The following GLDC variants were observed in gnomAD, a reference collection of about 807,000 sequenced individuals.
GLDC encodes the protein glycine decarboxylase.
A neutral mutation model predicts 121.3 loss-of-function variants in GLDC; 104 were observed. The ratio of observed to expected loss-of-function variants is 0.86; its 90% CI spans 0.73 to 1.01. GLDC has a LOEUF of 1.01. Ranked by LOEUF, GLDC falls within the 50% of genes least tolerant of loss-of-function variation. The pLI, the probability that GLDC is intolerant of heterozygous loss-of-function variation, is 0.00. For missense variants in GLDC, 1,429 were observed against 1,306.6 expected (o/e 1.09, Z -1.44); for synonymous variants, 546 against 480.6 (o/e 1.14, Z -1.78).
chr9:6,556,218 C>A lies in GLDC; in HGVS notation c.2137G>T (p.Val713Leu). 2 of 1,612,362 alleles carry A rather than the reference C, an allele frequency of 1.2e-6. No homozygotes were observed. The highest frequency in any genetic ancestry group is 1.1e-5 in the South Asian group (1 of 91,052). Residue 713 changes from valine to leucine, a missense_variant, in exon 18 of 25, where the codon GTG (valine) becomes TTG (leucine). Val to Leu is a conservative substitution (Grantham distance 32). Transcript: ENST00000321612. The part of the protein sequence containing the change: ...NGVFEENISD[V>L]CDLIHQHGGQ... ...CCATGTTGATGGATGAGGTCACACACGTCACTGATGTTCTCTTCAAACACC... is the reference window on the plus strand; with the variant it reads ...CCATGTTGATGGATGAGGTCACACAAGTCACTGATGTTCTCTTCAAACACC...
At chr9:6,571,100 T>A (rs1817957219) in intron 15 of GLDC, among the ~76,000 whole-genome samples, 1 of 152,038 alleles carries the variant, frequency 6.6e-6, no homozygotes, top group Non-Finnish European at 1.5e-5. Flanking sequence ...ATAATGATTT[T>A]CTTATAGACA....
intron 3 of GLDC, among the ~76,000 whole-genome samples, chr9:6,614,227 G>T (rs1818923590): frequency 1.3e-5 from 2 of 151,540 alleles, no homozygotes; most frequent in Admixed American, 6.6e-5. Context: ...AAGAAGCACT[G>T]GCTTTTGGTT....
intron 3 of GLDC, among the ~76,000 whole-genome samples, chr9:6,612,063 C>T (rs972624283): frequency 6.6e-6 from 1 of 152,000 alleles, no homozygotes; most frequent in African/African-American, 2.4e-5. Context: ...TTTGCCTACA[C>T]CATGTATTGT....
At position 6,573,735 on chromosome 9, in the gene GLDC, C is replaced by T. The variant is rs138569171; in HGVS notation, c.1851-8306G>A. Among the ~76,000 whole-genome samples, 738 of 152,182 alleles carry T rather than the reference C, an allele frequency of 4.8e-3. 9 individuals are homozygous for T. The highest frequency in any genetic ancestry group is 0.017 in the African/African-American group (700 of 41,510). On this transcript the variant is annotated intron_variant, in intron 15 of 24. Transcript: ENST00000321612. ...TGAAACATCAGCTAAGAAACCGATA[C>T]GGTAAAAATGATGGCAGTAAAGTGA... is the stretch of plus-strand genomic sequence containing the variant.
rs192045547 is a variant in GLDC at position 6,556,174 on chromosome 9, G to A, written c.2181C>T (p.Asp727=). Residue 727 remains aspartate (D), a synonymous_variant, in exon 18 of 25, where the codon GAC becomes GAT. Transcript: ENST00000321612. ...IHQHGGQVYL[D]GANMNAQVGI... ...CCACCTGAGCATTCATATTTGCCCC[G>A]TCTAGGTAGACCTGTCCTCCATGTT... 53 of 1,612,826 alleles carry A rather than the reference G, an allele frequency of 3.3e-5. No individual in the cohort carries two copies. In the African/African-American group the frequency reaches 3.9e-4, roughly 12 times the overall value.
intron 2 of GLDC, among the ~76,000 whole-genome samples, chr9:6,632,140 A>C (rs1819396303): frequency 6.6e-6 from 1 of 152,218 alleles, no homozygotes; most frequent in Non-Finnish European, 1.5e-5. Context: ...CTTATAGTAA[A>C]TGCTCAGAAA....
At chr9:6,544,356 C>T (rs552606550) in intron 21 of GLDC, among the ~76,000 whole-genome samples, 7 of 151,934 alleles carry the variant, frequency 4.6e-5, no homozygotes, top group East Asian at 3.9e-4. Context: ...TGGAAACCTC[C>T]GCAGGGACAG....
intron 16 of GLDC, among the ~76,000 whole-genome samples, chr9:6,560,153 G>C (rs908594411): frequency 6.6e-6 from 1 of 152,190 alleles, no homozygotes; most frequent in African/African-American, 2.4e-5. Flanking sequence ...GGGAAAGTAA[G>C]TCAGAAGGTT....
Position 6,645,435 on chromosome 9 carries a change from AGGC to A in GLDC, c.62_64del (p.Arg21del). On this transcript the variant is annotated inframe_deletion, in exon 1 of 25. Transcript: ENST00000321612. ...CCAGCACGGCCCCGATCCCCCAGCCAGGCGGCGGCCGCCCCCGACCCCGCGGCC... is the reference window on the plus strand; with the variant it reads ...CCAGCACGGCCCCGATCCCCCAGCCAGGCGGCCGCCCCCGACCCCGCGGCC... 1 of 1,280,426 alleles carries A rather than the reference AGGC, an allele frequency of 7.8e-7. No individual in the cohort carries two copies. The allele number at this position is 1,280,426 out of a possible 1,614,324, so 79.3% of individuals were successfully genotyped here.
chr9:6,622,244 C>G (rs191626583), intron 2 of GLDC, among the ~76,000 whole-genome samples: 1 of 151,682 alleles, frequency 6.6e-6, no homozygotes, highest in Non-Finnish European at 1.5e-5. Flanking sequence ...ATATGGTCCC[C>G]CTCCCCCTCC....
chr9:6,544,124 G>A (rs1055474454), intron 21 of GLDC, among the ~76,000 whole-genome samples: 2 of 152,228 alleles, frequency 1.3e-5, no homozygotes, highest in African/African-American at 4.8e-5. Context: ...ACTCTGGAAA[G>A]CTCTGCTGGG....
At chr9:6,558,296 G>T in intron 17 of GLDC, 2 of 602,680 alleles carry the variant, frequency 3.3e-6, no homozygotes. Context: ...AGATTGGGCA[G>T]AAAGAGGCAG....
chr9:6,562,621 G>A (rs142190145), intron 16 of GLDC, among the ~76,000 whole-genome samples: 240 of 152,170 alleles, frequency 1.6e-3, no homozygotes, highest in African/African-American at 5.4e-3. Context: ...GTGCAGTGGT[G>A]CGATCTCAGC....
chr9:6,645,231 G>A lies in GLDC; in HGVS notation c.255+14C>T. 1 of 1,580,220 alleles carries A rather than the reference G, an allele frequency of 6.3e-7. No individual in the cohort carries two copies. Among genetic ancestry groups the A allele is most frequent in the African/African-American group, 1.4e-5 (1 of 72,852 alleles). On this transcript the variant is annotated intron_variant, in intron 1 of 24. Transcript: ENST00000321612. Reference sequence around the variant, plus strand: ...CGGAGGGGAGGCCGCGGAGGGCCGGGTGGAGGTCCTTACCGCCAGCCCCAA... The same window carrying A: ...CGGAGGGGAGGCCGCGGAGGGCCGGATGGAGGTCCTTACCGCCAGCCCCAA...
rs1587945954 is a variant in GLDC at position 6,586,851 on chromosome 9, A to G, written c.1850+290T>C. On this transcript the variant is annotated intron_variant, in intron 15 of 24. Transcript: ENST00000321612. ...GGGAACACGCATTCTGAACCCCGAC[A>G]TTGTGCTGTAAGGAACAAGGAAGCT... 2.6e-5 allele frequency among the ~76,000 whole-genome samples: 4 copies of G among 152,176 alleles called. No individual in the cohort carries two copies. The East Asian group carries it at 7.7e-4, about 29-fold the overall frequency.
intron 3 of GLDC, among the ~76,000 whole-genome samples, chr9:6,615,753 GGTGCCTATCAC>G (rs1021359581): frequency 1.3e-5 from 2 of 151,892 alleles, no homozygotes; most frequent in African/African-American, 4.8e-5. Flanking sequence ...TGAGATTACA[GGTGCCTATCAC>G]TAGGCCTGGC....
intron 3 of GLDC, among the ~76,000 whole-genome samples, chr9:6,611,165 G>T (rs1035615823): frequency 2.0e-5 from 3 of 152,192 alleles, no homozygotes; most frequent in Non-Finnish European, 4.4e-5. Context: ...GAAATTCCAG[G>T]ATGGAAATGT....
chr9:6,548,213 G>A (rs1248837983), intron 21 of GLDC, among the ~76,000 whole-genome samples: 4 of 152,150 alleles, frequency 2.6e-5, no homozygotes, highest in African/African-American at 7.2e-5. Flanking sequence ...ACTGATTGAT[G>A]GAACCATGGA....
Position 6,610,358 on chromosome 9 carries a change from T to C in GLDC, c.471-2A>G. On this transcript the variant is annotated splice_acceptor_variant, in intron 3 of 24. Coordinates refer to ENST00000321612, the MANE Select transcript of GLDC (RefSeq NM_000170.3). LOFTEE classifies it high-confidence loss of function. ...TGGTATGGAGTATACTGGGTGATCCTGCAAGGGAAACAAAAGGTCTTGTCC... is the reference window on the plus strand; with the variant it reads ...TGGTATGGAGTATACTGGGTGATCCCGCAAGGGAAACAAAAGGTCTTGTCC... 2 of 1,613,968 alleles carry C rather than the reference T, an allele frequency of 1.2e-6. No homozygotes were observed. Among genetic ancestry groups the C allele is most frequent in the Non-Finnish European group, 8.5e-7 (1 of 1,179,856 alleles).
Sources: gnomAD v4.1 joint callset for allele counts (sites outside exome capture counted in the v4.1 genomes callset) on GRCh38, gnomAD v4.1.1 for gene constraint, MANE v1.5 for transcripts, NCBI Gene and HGNC (gene_info 2026-07-23, HGNC 2026-07-21) for gene names.